The following MYO16 variants were observed in gnomAD, a reference collection of about 807,000 sequenced individuals.
MYO16 encodes the protein myosin XVI.
MYO16 carries 94 observed loss-of-function variants against 205.3 expected under a neutral mutation model. The observed-to-expected ratio is 0.46, with a 90% CI of 0.39 to 0.54. MYO16 has a LOEUF of 0.54. Among genes scored for constraint, MYO16 ranks in the 20% least tolerant of loss-of-function variants. The pLI, the probability that MYO16 is intolerant of heterozygous loss-of-function variation, is 0.00. For missense variants in MYO16, 2,315 were observed against 2,387.5 expected (o/e 0.97, Z 0.63); for synonymous variants, 988 against 954.0 (o/e 1.04, Z -0.66).
intron 4 of MYO16, among the ~76,000 whole-genome samples, chr13:108,740,182 GCTGTGTTCCTTTGGA>G (rs1884855463): frequency 8.0e-5 from 1 of 12,542 alleles, no homozygotes; most frequent in East Asian, 2.6e-3. Context: ...TTGGCAAGGA[GCTGTGTTCCTTTGGA>G]GGGGGAGAGG....
intron 21 of MYO16, among the ~76,000 whole-genome samples, chr13:109,002,404 T>G (rs939309081): frequency 1.3e-5 from 2 of 152,252 alleles, no homozygotes; most frequent in Admixed American, 1.3e-4. Context: ...ATGAGCCATC[T>G]GGATAAGCAA....
intron 12 of MYO16, among the ~76,000 whole-genome samples, chr13:108,871,452 A>G (rs1000048038): frequency 1.3e-5 from 2 of 151,774 alleles, no homozygotes; most frequent in Admixed American, 6.6e-5. Flanking sequence ...TAAAAAAACC[A>G]TAGGGCCCAG....
chr13:109,149,349 G>T (rs558985644), intron 32 of MYO16, among the ~76,000 whole-genome samples: 1 of 152,078 alleles, frequency 6.6e-6, no homozygotes, highest in Admixed American at 6.6e-5. Flanking sequence ...GGACCCTTGC[G>T]TCTCAGTGAG....
At chr13:108,496,572 G>T in the MYO16 span, among the ~76,000 whole-genome samples, 7 of 152,194 alleles carry the variant, frequency 4.6e-5, no homozygotes, top group African/African-American at 1.7e-4. Context: ...TCAGCGCATC[G>T]CCCCGTCTTC....
intron 4 of MYO16, among the ~76,000 whole-genome samples, chr13:108,731,196 C>T (rs1884511108): frequency 6.6e-6 from 1 of 152,196 alleles, no homozygotes; most frequent in South Asian, 2.1e-4. Context: ...TAGCAAGTCA[C>T]AGAAGTAGTT....
At chr13:108,635,798 C>T (rs1880200795) in intron 1 of MYO16, among the ~76,000 whole-genome samples, 1 of 152,134 alleles carries the variant, frequency 6.6e-6, no homozygotes, top group South Asian at 2.1e-4. Context: ...CCGTGCCCAG[C>T]CAGTTTTCCT....
chr13:109,046,969 G>A lies in MYO16; in HGVS notation c.2850G>A (p.Gln950=). The A allele has an allele frequency of 6.2e-7, 1 of 1,610,950 alleles. No individual in the cohort carries two copies. Among genetic ancestry groups the A allele is most frequent in the Non-Finnish European group, 8.5e-7 (1 of 1,177,342 alleles). The change falls in exon 24 of 35, where the codon CAG becomes CAA. Residue 950 remains glutamine (Q), a synonymous_variant. Coordinates refer to ENST00000457511, the MANE Select transcript of MYO16 (RefSeq NM_001198950.3). ...AAAAAAATAAAGACTCCCTTTCACAGAATCTTCTATTTGTAATGAAAAGTA... is the reference window on the plus strand; with the variant it reads ...AAAAAAATAAAGACTCCCTTTCACAAAATCTTCTATTTGTAATGAAAAGTA... ...AIEKNKDSLS[Q]NLLFVMKTSE...
At chr13:108,923,346 G>A (rs1027493925) in intron 16 of MYO16, among the ~76,000 whole-genome samples, 14 of 152,224 alleles carry the variant, frequency 9.2e-5, no homozygotes, top group African/African-American at 3.4e-4. Flanking sequence ...TTGTAATAAG[G>A]TGAAGGCAGT....
In MYO16 at chr13:108,805,437, G is replaced by T. The variant is rs115088607; in HGVS notation, c.742-1242G>T. Among the ~76,000 whole-genome samples the T allele has an allele frequency of 5.4e-3, 821 of 152,244 alleles. 5 individuals are homozygous for T. The highest frequency in any genetic ancestry group is 0.019 in the African/African-American group (779 of 41,566). On this transcript the variant is annotated intron_variant, in intron 6 of 34. Transcript: ENST00000457511. ...TAGATTTTATCAAAATGTACACATT[G>T]AATAAGCCTTTTTGACTTTAATTTT...
intron 9 of MYO16, among the ~76,000 whole-genome samples, chr13:108,842,782 A>G (rs1877313183): frequency 6.6e-6 from 1 of 152,192 alleles, no homozygotes; most frequent in Admixed American, 6.5e-5. Context: ...TGAAATCAAG[A>G]TCTCAAAGAG....
chr13:108,769,453 C>T (rs1272726709), intron 4 of MYO16, among the ~76,000 whole-genome samples: 1 of 152,046 alleles, frequency 6.6e-6, no homozygotes, highest in Non-Finnish European at 1.5e-5. Context: ...ACTTGAAAAC[C>T]AAGGGAAAGG....
At chr13:108,978,373 A>G (rs277791) in intron 20 of MYO16, among the ~76,000 whole-genome samples, 1,844 of 152,190 alleles carry the variant, frequency 0.012, 36 homozygotes, top group African/African-American at 0.043. Context: ...AATATTTGCC[A>G]TTAAGTAATA....
chr13:109,206,430 T>C (rs1221173791), intron 34 of MYO16, among the ~76,000 whole-genome samples, 179 bp from the exon 35 acceptor site: 1 of 152,184 alleles, frequency 6.6e-6, no homozygotes, highest in Non-Finnish European at 1.5e-5. Flanking sequence ...AACTCAGCAA[T>C]TCACAGCCTC....
intron 18 of MYO16, 136 bp downstream of exon 18, chr13:108,961,792 G>C (rs7997846): frequency 3.0e-6 from 2 of 669,004 alleles, no homozygotes; most frequent in Non-Finnish European, 5.2e-6. Context: ...GTGAGGGGGG[G>C]AAATTGTCTA....
At chr13:108,975,519 T>G (rs1216515883) in intron 20 of MYO16, among the ~76,000 whole-genome samples, 1 of 152,170 alleles carries the variant, frequency 6.6e-6, no homozygotes, top group African/African-American at 2.4e-5. Context: ...CTTTGAAGAT[T>G]AATCTCTTTC....
At chr13:109,160,827 T>C (rs1292350646) in intron 32 of MYO16, among the ~76,000 whole-genome samples, 1 of 152,234 alleles carries the variant, frequency 6.6e-6, no homozygotes, top group Non-Finnish European at 1.5e-5. Context: ...ATCATGTATA[T>C]GCACTTTTAA....
intron 16 of MYO16, among the ~76,000 whole-genome samples, chr13:108,953,164 G>A (rs911555850): frequency 2.0e-5 from 3 of 152,316 alleles, no homozygotes; most frequent in African/African-American, 7.2e-5. Context: ...GGTGATTCAC[G>A]TCAGTATACA....
At chr13:108,823,984 G>A (rs1389767042) in intron 9 of MYO16, among the ~76,000 whole-genome samples, 1 of 152,024 alleles carries the variant, frequency 6.6e-6, no homozygotes, top group Non-Finnish European at 1.5e-5. Context: ...TACTGACTGT[G>A]GGGCTTGGAA....
intron 13 of MYO16, among the ~76,000 whole-genome samples, chr13:108,884,234 C>A (rs1275677075): frequency 6.6e-6 from 1 of 152,156 alleles, no homozygotes; most frequent in African/African-American, 2.4e-5. Flanking sequence ...AAAATGAGAG[C>A]TTATATGTTT....
Sources: allele counts gnomAD v4.1 joint callset (sites outside exome capture counted in the v4.1 genomes callset), GRCh38; gene constraint gnomAD v4.1.1; transcripts MANE v1.5; gene names NCBI Gene and HGNC (gene_info 2026-07-23, HGNC 2026-07-21).